PGD: variants seen among roughly 807,000 people sequenced by gnomAD.
The protein encoded by PGD is 6-phosphogluconate dehydrogenase, decarboxylating.
PGD carries 21 observed loss-of-function variants against 60.4 expected under a neutral mutation model. That is an observed-to-expected ratio of 0.35 (90% confidence interval 0.25 to 0.50). The LOEUF (loss-of-function observed/expected upper bound fraction) is 0.50, where lower values mean the gene tolerates loss of function less well. Ranked by LOEUF, PGD falls within the 20% of genes least tolerant of loss-of-function variation. PGD has a pLI of 0.98. For missense variants in PGD, 477 were observed against 613.1 expected, an observed-to-expected ratio of 0.78 and a Z score of 2.34; for synonymous variants, 230 against 235.9, an observed-to-expected ratio of 0.97 and a Z score of 0.23.
chr1:10,413,017 G>A, intron 7 of PGD, 45 bp from the exon 8 acceptor site: 1 of 1,544,660 alleles, frequency 6.5e-7, no homozygotes, highest in Non-Finnish European at 8.9e-7. Context: ...TCCTTGCTCA[G>A]CCCTCATTCC....
At chr1:10,400,657 A>T in intron 3 of PGD, 85 bp downstream of exon 3, 1 of 1,054,700 alleles carries the variant, frequency 9.5e-7, no homozygotes, top group Non-Finnish European at 1.3e-6. Flanking sequence ...TTAACTCTAG[A>T]GATTTTTTTT....
chr1:10,409,353 G>A (rs1639458489), intron 6 of PGD, among the ~76,000 whole-genome samples: 1 of 152,108 alleles, frequency 6.6e-6, no homozygotes, highest in African/African-American at 2.4e-5. Context: ...ATCTGCTTAG[G>A]GTAGAAAGAG....
rs1450469652 is a variant in PGD at position 10,419,671 on chromosome 1, G to T, written c.1374G>T (p.Leu458Phe). 3 of 1,614,138 alleles carry T rather than the reference G, an allele frequency of 1.9e-6. No homozygotes were observed. In the South Asian group the frequency reaches 3.3e-5, roughly 18 times the overall value. The change falls in exon 13 of 13, where the codon TTG (leucine) becomes TTT (phenylalanine). Residue 458 changes from leucine to phenylalanine, a missense_variant. Leu to Phe is a conservative substitution (Grantham distance 22). Around this residue, in one of 3 missense-constraint regions of PGD, gnomAD observed 44 missense variants for 40.3 expected, o/e 1.09. Transcript: ENST00000270776. Reference protein sequence around the residue: ...DYFGAHTYELLAKPGQFIHTN... With the variant: ...DYFGAHTYELFAKPGQFIHTN... The stretch of plus-strand genomic sequence containing the variant: ...TCGGGGCTCACACCTATGAACTCTT[G>T]GCCAAACCAGGGCAGTTTATCCACA...
At chr1:10,417,168 G>T (rs1242624967) in intron 9 of PGD, 51 bp downstream of exon 9, 2 of 1,602,974 alleles carry the variant, frequency 1.2e-6, no homozygotes, top group South Asian at 2.2e-5. Flanking sequence ...GGAAGGCAGT[G>T]GGGGTGGGGG....
intron 5 of PGD, among the ~76,000 whole-genome samples, chr1:10,407,668 T>G (rs1209896633): frequency 1.3e-5 from 2 of 151,994 alleles, no homozygotes; most frequent in Non-Finnish European, 2.9e-5. Flanking sequence ...ATGGGCCCAG[T>G]GCGGTGGTGG....
chr1:10,417,171 G>C, intron 9 of PGD, 54 bp downstream of exon 9: 1 of 1,602,100 alleles, frequency 6.2e-7, no homozygotes, highest in Admixed American at 1.7e-5. Context: ...AGGCAGTGGG[G>C]GTGGGGGTTG....
intron 8 of PGD, among the ~76,000 whole-genome samples, chr1:10,415,800 G>A (rs1260193180): frequency 6.6e-6 from 1 of 152,206 alleles, no homozygotes; most frequent in Non-Finnish European, 1.5e-5. Context: ...ACTATAAGTT[G>A]TCAGTTGAGC....
intron 5 of PGD, among the ~76,000 whole-genome samples, chr1:10,405,370 A>AAAAAC (rs752421024): frequency 6.7e-6 from 1 of 148,936 alleles, no homozygotes; most frequent in Non-Finnish European, 1.5e-5. Flanking sequence ...AGTTTGTTTC[A>AAAAAC]AAAACAAAAC....
At chr1:10,417,593 A>G in intron 10 of PGD, 84 bp downstream of exon 10, 1 of 1,408,680 alleles carries the variant, frequency 7.1e-7, no homozygotes, top group South Asian at 1.4e-5. Flanking sequence ...TAGCTTGAGC[A>G]GTTTCCAGGG....
intron 8 of PGD, among the ~76,000 whole-genome samples, chr1:10,415,642 A>T (rs1227111568): frequency 6.6e-6 from 1 of 152,190 alleles, no homozygotes; most frequent in Non-Finnish European, 1.5e-5. Context: ...GGAGAGAGGT[A>T]GCTGCTTTTG....
At chr1:10,400,303 G>C (rs1307785092) in intron 2 of PGD, 90 bp from the exon 3 acceptor site, 4 of 981,634 alleles carry the variant, frequency 4.1e-6, no homozygotes, top group Admixed American at 2.2e-5. Flanking sequence ...CCCAGAACTT[G>C]GGTTGAATGG....
intron 3 of PGD, among the ~76,000 whole-genome samples, chr1:10,402,196 C>G (rs1465103841): frequency 1.3e-5 from 2 of 151,954 alleles, no homozygotes; most frequent in African/African-American, 4.8e-5. Flanking sequence ...TACTGAATCC[C>G]CACTCTCTTC....
In PGD at chr1:10,417,358, C is replaced by T. The variant is rs761820886; in HGVS notation, c.976-18C>T. ...TCTCCTAATGGCAATCCTAGTAGGT[C>T]TCTGTGTCACTCTTTAGGCACTCTA... On this transcript the variant is annotated intron_variant, in intron 9 of 12. Transcript: ENST00000270776. 3.1e-6 allele frequency: 5 copies of T among 1,595,968 alleles called. No individual in the cohort carries two copies. Among genetic ancestry groups the T allele is most frequent in the Non-Finnish European group, 4.3e-6 (5 of 1,170,822 alleles).
At chr1:10,418,595 T>G (rs996380177) in intron 10 of PGD, among the ~76,000 whole-genome samples, 4 of 152,096 alleles carry the variant, frequency 2.6e-5, no homozygotes, top group African/African-American at 9.6e-5. Flanking sequence ...GCTAACACGG[T>G]GAAACCCTGT....
intron 2 of PGD, chr1:10,399,915 C>G (rs1187347865): frequency 5.0e-6 from 3 of 595,722 alleles, no homozygotes; most frequent in Non-Finnish European, 9.0e-6. Flanking sequence ...CCTGTGGGTC[C>G]GTGAGGTTCA....
At chr1:10,418,559 G>A (rs922120132) in intron 10 of PGD, among the ~76,000 whole-genome samples, 2 of 152,106 alleles carry the variant, frequency 1.3e-5, no homozygotes, top group Middle Eastern at 3.4e-3. Context: ...GGCGGATCAC[G>A]AGGTCAGGAG....
chr1:10,408,328 G>A (rs1639442928), intron 6 of PGD, among the ~76,000 whole-genome samples, 188 bp downstream of exon 6: 1 of 152,156 alleles, frequency 6.6e-6, no homozygotes, highest in Non-Finnish European at 1.5e-5. Context: ...TATCTTAGCT[G>A]ACTGTTCATA....
At chr1:10,408,020 C>A in intron 5 of PGD, 51 bp from the exon 6 acceptor site, 2 of 1,052,532 alleles carry the variant, frequency 1.9e-6, no homozygotes, top group Non-Finnish European at 3.0e-6. Flanking sequence ...TGGGTATGGG[C>A]TCTCAGCCCG....
chr1:10,411,645 C>T, intron 7 of PGD, 93 bp downstream of exon 7: 1 of 1,468,966 alleles, frequency 6.8e-7, no homozygotes, highest in Non-Finnish European at 9.3e-7. Context: ...ATCCCCTTGG[C>T]CATTCGGGTG....
Sources: gnomAD v4.1 joint callset for allele counts (sites outside exome capture counted in the v4.1 genomes callset) on GRCh38, gnomAD v4.1.1 for gene constraint, gnomAD v4.1.1 regional missense constraint, MANE v1.5 for transcripts, NCBI Gene and HGNC (gene_info 2026-07-23, HGNC 2026-07-21) for gene names.